The following MET variants were observed in gnomAD, a reference collection of about 807,000 sequenced individuals.
The protein encoded by MET is hepatocyte growth factor receptor.
Under a neutral mutation model 133.1 loss-of-function variants are expected in MET, and 48 were observed. That is an observed-to-expected ratio of 0.36 (90% CI 0.29 to 0.46). The LOEUF (loss-of-function observed/expected upper bound fraction) is 0.46. Ranked by LOEUF, MET falls within the 20% of genes least tolerant of loss-of-function variation. The pLI is 1.00. For synonymous variants in MET, 628 were observed against 616.5 expected (o/e 1.02, Z -0.28); for missense variants, 1,442 against 1,695.9 (o/e 0.85, Z 2.63).
At chr7:116,723,340 T>G (rs1451935647) in intron 2 of MET, among the ~76,000 whole-genome samples, 3 of 147,542 alleles carry the variant, frequency 2.0e-5, no homozygotes, top group Non-Finnish European at 3.0e-5. Context: ...CATCAGCTCC[T>G]TTAAGCACTT....
At position 116,763,197 on chromosome 7, in the gene MET, A is replaced by G. The variant is rs2116956388; in HGVS notation, c.2512A>G (p.Asn838Asp). 1 of 1,614,060 alleles carries G rather than the reference A, an allele frequency of 6.2e-7. No individual in the cohort carries two copies. The highest frequency in any genetic ancestry group is 8.5e-7 in the Non-Finnish European group (1 of 1,179,980). ...SKYFDLIYVH[N>D]PVFKPFEKPV... ...ATACTTTGATCTCATTTATGTACATAATCCTGTGTTTAAGCCTTTTGAAAA... is the reference window on the plus strand; with the variant it reads ...ATACTTTGATCTCATTTATGTACATGATCCTGTGTTTAAGCCTTTTGAAAA... The change falls in exon 11 of 21, where the codon AAT becomes GAT. Residue 838 changes from asparagine to aspartate, a missense_variant. Transcript: ENST00000397752.
chr7:116,724,347 C>G lies in MET; in HGVS notation c.1201-7321C>G, dbSNP rs1436134181. On this transcript the variant is annotated intron_variant, in intron 2 of 20. Coordinates refer to ENST00000397752, the MANE Select transcript of MET (RefSeq NM_000245.4). The stretch of plus-strand genomic sequence containing the variant: ...TCGGCTCGCGCACGGTGCACGCACC[C>G]ACTGACCTGCGCCCACTGTCTGGCA... 5 of 268,952 alleles carry G rather than the reference C, an allele frequency of 1.9e-5. No homozygotes were observed. In the East Asian group the frequency reaches 4.4e-4, roughly 24 times the overall value. 16.7% of individuals were successfully genotyped at this position (268,952 alleles called of 1,614,324 possible). A position where few individuals can be genotyped will look rare whatever the true frequency, so the allele number is the denominator to read the frequency against.
chr7:116,783,539 A>G, intron 19 of MET, 70 bp downstream of exon 19: 1 of 1,545,356 alleles, frequency 6.5e-7, no homozygotes, highest in South Asian at 1.2e-5. Context: ...AAGTTTTATC[A>G]CTACTTAATT....
At chr7:116,704,239 T>A (rs1023236159) in intron 2 of MET, among the ~76,000 whole-genome samples, 13 of 152,086 alleles carry the variant, frequency 8.5e-5, no homozygotes, top group Non-Finnish European at 1.3e-4. Flanking sequence ...TGGCACAAGA[T>A]GACTATAAAT....
At chr7:116,715,485 A>G (rs540335032) in intron 2 of MET, among the ~76,000 whole-genome samples, 58 of 152,362 alleles carry the variant, frequency 3.8e-4, no homozygotes, top group Non-Finnish European at 6.5e-4. Flanking sequence ...CACTAAATCC[A>G]GGATGATTTC....
intron 19 of MET, among the ~76,000 whole-genome samples, chr7:116,788,437 G>A (rs1795382124): frequency 6.6e-6 from 1 of 152,120 alleles, no homozygotes; most frequent in East Asian, 1.9e-4. Context: ...GGGATTCTAA[G>A]CTTCTTGACA....
At chr7:116,761,173 G>T (rs1794386345) in intron 10 of MET, among the ~76,000 whole-genome samples, 1 of 152,038 alleles carries the variant, frequency 6.6e-6, no homozygotes, top group South Asian at 2.1e-4. Context: ...CTTTTTAGGT[G>T]TCACACATGA....
At position 116,796,934 on chromosome 7, in the gene MET, A is replaced by G. The variant is rs1795697810; in HGVS notation, c.*810A>G. 1 of 178,584 alleles carries G rather than the reference A, an allele frequency of 5.6e-6. No homozygotes were observed. Among genetic ancestry groups the G allele is most frequent in the Non-Finnish European group, 1.2e-5 (1 of 82,968 alleles). 11.1% of individuals were successfully genotyped at this position (178,584 alleles called of 1,614,324 possible). On this transcript the variant is annotated 3_prime_UTR_variant, in exon 21 of 21. Transcript: ENST00000397752. ...GCGCCCAGCCCTTATAAATTTTTGT[A>G]TAGACATTCCTTTGGTTGGAAGAAT... is the stretch of plus-strand genomic sequence containing the variant.
chr7:116,686,561 G>A (rs1185749827), intron 1 of MET, among the ~76,000 whole-genome samples: 1 of 152,152 alleles, frequency 6.6e-6, no homozygotes, highest in Non-Finnish European at 1.5e-5. Flanking sequence ...CAGGGGTGTT[G>A]GGTTTTGTTT....
chr7:116,718,739 G>A (rs990517508), intron 2 of MET, among the ~76,000 whole-genome samples: 12 of 148,204 alleles, frequency 8.1e-5, no homozygotes, highest in African/African-American at 2.2e-4. Context: ...GAGAATATGC[G>A]GTGTTTGGTT....
intron 3 of MET, among the ~76,000 whole-genome samples, chr7:116,732,708 C>A (rs1472310046): frequency 6.6e-5 from 10 of 152,154 alleles, no homozygotes; most frequent in Admixed American, 6.5e-4. Flanking sequence ...CAGACAATAA[C>A]CTCTAGTAAA....
intron 19 of MET, 137 bp from the exon 20 acceptor site, chr7:116,795,518 T>C: frequency 9.0e-7 from 1 of 1,106,374 alleles, no homozygotes; most frequent in Non-Finnish European, 1.4e-6. Flanking sequence ...ATAATTGCCT[T>C]TAAGAAAATT....
At chr7:116,788,993 T>C (rs974789366) in intron 19 of MET, among the ~76,000 whole-genome samples, 5 of 152,360 alleles carry the variant, frequency 3.3e-5, no homozygotes, top group Admixed American at 3.3e-4. Context: ...TCACACTTAA[T>C]ACAAGTTCTT....
intron 1 of MET, among the ~76,000 whole-genome samples, chr7:116,684,140 C>T (rs761164322): frequency 6.6e-6 from 1 of 152,204 alleles, no homozygotes; most frequent in Non-Finnish European, 1.5e-5. Context: ...TTTTCCTTAC[C>T]TTGGTTTATG....
intron 11 of MET, among the ~76,000 whole-genome samples, chr7:116,765,478 A>G (rs893888476): frequency 6.6e-6 from 1 of 151,852 alleles, no homozygotes; most frequent in Non-Finnish European, 1.5e-5. Flanking sequence ...GAGTCCCTCA[A>G]TTCATAGTAA....
chr7:116,783,380 G>A lies in MET; in HGVS notation c.3709G>A (p.Val1237Ile), dbSNP rs1031263507. 1.9e-6 allele frequency: 3 copies of A among 1,614,110 alleles called. No individual in the cohort carries two copies. Among genetic ancestry groups the A allele is most frequent in the Non-Finnish European group, 1.7e-6 (2 of 1,180,020 alleles). Residue 1237 changes from valine to isoleucine, a missense_variant, in exon 19 of 21, where the codon GTA (valine) becomes ATA (isoleucine). Physicochemically the swap from Val to Ile is conservative, Grantham distance 29. Coordinates refer to ENST00000397752, the MANE Select transcript of MET (RefSeq NM_000245.4). ...RDMYDKEYYS[V>I]HNKTGAKLPV... ...CATGTATGATAAAGAATACTATAGT[G>A]TACACAACAAAACAGGTGCAAAGCT...
intron 2 of MET, among the ~76,000 whole-genome samples, chr7:116,716,249 T>G (rs1792186828): frequency 8.0e-6 from 1 of 125,530 alleles, no homozygotes; most frequent in African/African-American, 3.1e-5. Flanking sequence ...CCAGAGCCTT[T>G]CAAGCAAGCA....
chr7:116,740,807 A>C, intron 4 of MET, 45 bp from the exon 5 acceptor site: 1 of 1,609,444 alleles, frequency 6.2e-7, no homozygotes, highest in Non-Finnish European at 8.5e-7. Flanking sequence ...TAATTAACAA[A>C]CTAGATACCC....
In MET at chr7:116,740,921, C is replaced by A. The variant is rs1793422040; in HGVS notation, c.1597C>A (p.Pro533Thr). The A allele has an allele frequency of 1.2e-6, 2 of 1,614,186 alleles. No individual in the cohort carries two copies. Among genetic ancestry groups the A allele is most frequent in the Non-Finnish European group, 1.7e-6 (2 of 1,180,030 alleles). The part of the protein sequence containing the change: ...FQSCSQCLSA[P>T]PFVQCGWCHD... ...GTCCTGCAGTCAATGCCTCTCTGCCCCACCCTTTGTTCAGTGTGGCTGGTG... is the reference window on the plus strand; with the variant it reads ...GTCCTGCAGTCAATGCCTCTCTGCCACACCCTTTGTTCAGTGTGGCTGGTG... The change falls in exon 5 of 21, where the codon CCA becomes ACA. Residue 533 changes from proline to threonine, a missense_variant. Around this residue, in one of 6 missense-constraint regions of MET, gnomAD observed 762 missense variants for 792.4 expected, o/e 0.96. Coordinates refer to ENST00000397752, the MANE Select transcript of MET (RefSeq NM_000245.4).
Sources: gnomAD v4.1 joint callset for allele counts (sites outside exome capture counted in the v4.1 genomes callset) on GRCh38, gnomAD v4.1.1 for gene constraint, gnomAD v4.1.1 regional missense constraint, MANE v1.5 for transcripts, NCBI Gene and HGNC (gene_info 2026-07-23, HGNC 2026-07-21) for gene names.